TRPM3: variants seen among roughly 807,000 people sequenced by gnomAD.
TRPM3 encodes the protein long transient receptor potential channel 3.
Under a neutral mutation model 181.2 loss-of-function variants are expected in TRPM3, and 77 were observed. The ratio of observed to expected loss-of-function variants is 0.42; its 90% CI spans 0.35 to 0.51. TRPM3 has a LOEUF of 0.51. TRPM3 is among the 20% of genes least tolerant of loss of function. The pLI, the probability that TRPM3 is intolerant of heterozygous loss-of-function variation, is 0.01. For synonymous variants in TRPM3, 745 were observed against 796.4 expected (o/e 0.94, Z 1.09); for missense variants, 1,759 against 2,196.7 (o/e 0.80, Z 3.98).
At chr9:71,124,056 T>C (rs2073886542), upstream of TRPM3, among the ~76,000 whole-genome samples, 1 of 151,938 alleles carries the variant, frequency 6.6e-6, no homozygotes, top group Non-Finnish European at 1.5e-5. Context: ...CTAATGGCAA[T>C]TAGAGGAGAA....
At chr9:70,780,950 T>G (rs2082312616) in intron 7 of TRPM3, among the ~76,000 whole-genome samples, 1 of 152,130 alleles carries the variant, frequency 6.6e-6, no homozygotes, top group Non-Finnish European at 1.5e-5. Context: ...TCACAGTTGG[T>G]GTAGATCCCA....
At chr9:70,692,629 C>T (rs981001350) in intron 8 of TRPM3, among the ~76,000 whole-genome samples, 17 of 152,146 alleles carry the variant, frequency 1.1e-4, no homozygotes, top group Non-Finnish European at 1.8e-4. Flanking sequence ...AGGAGCCATG[C>T]GCAGAATCAG....
intron 1 of TRPM3, among the ~76,000 whole-genome samples, chr9:71,273,453 A>G (rs2083957317): frequency 6.6e-6 from 1 of 152,222 alleles, no homozygotes; most frequent in South Asian, 2.1e-4. Flanking sequence ...ACCTCTTGGC[A>G]TAAGACCATA....
At chr9:71,049,136 T>A (rs925192144) in intron 1 of TRPM3, among the ~76,000 whole-genome samples, 1 of 152,156 alleles carries the variant, frequency 6.6e-6, no homozygotes, top group African/African-American at 2.4e-5. Flanking sequence ...TACTCTATCA[T>A]CTTAGGTACA....
At position 71,159,981 on chromosome 9, in the gene TRPM3, A is replaced by G. The variant is rs546935426; in HGVS notation, c.183+286672T>C. 2.6e-5 allele frequency among the ~76,000 whole-genome samples: 4 copies of G among 152,242 alleles called. No homozygotes were observed. The East Asian group carries it at 5.8e-4, about 22-fold the overall frequency. On this transcript the variant is annotated intron_variant, in intron 1 of 24. Coordinates refer to the TRPM3 transcript ENST00000357533. ...CAAGAAAGTCCTTAAACCTTCTATC[A>G]GACCCTATAGGACTCACCTCCCTAT... is the stretch of plus-strand genomic sequence containing the variant.
In TRPM3 at chr9:70,846,484, C is replaced by T. The variant is rs1297408205; in HGVS notation, c.570G>A (p.Leu190=). ...PKLLISVHGG[L]QNFELQPKLK... is the part of the protein sequence containing the mutation. The stretch of plus-strand genomic sequence containing the variant: ...GTTTTGGCTGGAGTTCAAAGTTCTG[C>T]AGGCCCCCATGGACAGAGATGAGAA... Residue 190 remains leucine (L), a synonymous_variant, in exon 4 of 26, where the codon CTG becomes CTA. Transcript: ENST00000677713. 6.2e-7 allele frequency: 1 copy of T among 1,614,130 alleles called. No homozygotes were observed. The highest frequency in any genetic ancestry group is 2.2e-5 in the East Asian group (1 of 44,882).
chr9:71,259,356 C>T lies in TRPM3; in HGVS notation c.183+187297G>A, dbSNP rs571922232. On this transcript the variant is annotated intron_variant, in intron 1 of 24. Coordinates refer to the TRPM3 transcript ENST00000357533. The stretch of plus-strand genomic sequence containing the variant: ...TATGAATAGTGCTTCAATAAACATA[C>T]ATGTACATGTGTCTTTATAGAATAA... Among the ~76,000 whole-genome samples, 5 of 152,250 alleles carry T rather than the reference C, an allele frequency of 3.3e-5. No homozygotes were observed. The East Asian group carries it at 7.7e-4, about 24-fold the overall frequency.
At chr9:70,978,646 C>T (rs1470756335) in intron 1 of TRPM3, among the ~76,000 whole-genome samples, 2 of 152,150 alleles carry the variant, frequency 1.3e-5, no homozygotes, top group Non-Finnish European at 2.9e-5. Context: ...CTGTTGTTCC[C>T]GTCATGGGGT....
chr9:71,201,359 TG>T (rs2078780377), intron 1 of TRPM3, among the ~76,000 whole-genome samples: 1 of 152,156 alleles, frequency 6.6e-6, no homozygotes, highest in Admixed American at 6.5e-5. Flanking sequence ...GTCTTGGAGT[TG>T]TTCTTCTCGA....
intron 1 of TRPM3, among the ~76,000 whole-genome samples, chr9:71,050,706 C>G (rs1298411016): frequency 6.6e-6 from 1 of 152,190 alleles, no homozygotes; most frequent in Non-Finnish European, 1.5e-5. Context: ...CTGGTGCACA[C>G]CCATTTTTCA....
intron 1 of TRPM3, among the ~76,000 whole-genome samples, chr9:71,086,744 A>C (rs1322160620): frequency 6.6e-6 from 1 of 152,010 alleles, no homozygotes; most frequent in Non-Finnish European, 1.5e-5. Flanking sequence ...CTAATCTGCC[A>C]CTTCACTACT....
Position 71,121,460 on chromosome 9 carries a change from A to T in TRPM3, c.-106T>A. On this transcript the variant is annotated 5_prime_UTR_variant, in exon 1 of 26. Transcript: ENST00000677713. ...CTGAGCCCCTGAACCTTCTTAAAAC[A>T]GCCACCTCCCCTCTCTCTGCAGCCG... 1 of 1,462,048 alleles carries T rather than the reference A, an allele frequency of 6.8e-7. No homozygotes were observed. The highest frequency in any genetic ancestry group is 2.6e-5 in the Admixed American group (1 of 38,520). 90.6% of individuals were successfully genotyped at this position (1,462,048 alleles called of 1,614,324 possible).
intron 20 of TRPM3, among the ~76,000 whole-genome samples, chr9:70,600,279 C>A (rs1367833968): frequency 6.6e-6 from 1 of 151,954 alleles, no homozygotes; most frequent in Non-Finnish European, 1.5e-5. Context: ...CCATGACCAA[C>A]CCCTTTCCCC....
chr9:71,369,064 C>T lies in TRPM3; in HGVS notation c.183+77589G>A, dbSNP rs550788629. 3.3e-5 allele frequency among the ~76,000 whole-genome samples: 5 copies of T among 152,016 alleles called. No individual in the cohort carries two copies. The South Asian group carries it at 8.3e-4, about 25-fold the overall frequency. ...ATATACATATATTGCAAAAGAATAA[C>T]TGAGATCAATAATCTTACTAGCTAT... is the stretch of plus-strand genomic sequence containing the variant. On this transcript the variant is annotated intron_variant, in intron 1 of 24. Transcript: ENST00000357533.
chr9:71,219,739 G>T (rs1162010402), intron 1 of TRPM3, among the ~76,000 whole-genome samples: 1 of 152,128 alleles, frequency 6.6e-6, no homozygotes, highest in Non-Finnish European at 1.5e-5. Flanking sequence ...GGCCAATCAG[G>T]GTGAACCTGG....
At chr9:71,257,323 T>G (rs2082734389) in intron 1 of TRPM3, among the ~76,000 whole-genome samples, 1 of 151,628 alleles carries the variant, frequency 6.6e-6, no homozygotes, top group African/African-American at 2.4e-5. Flanking sequence ...GTTGGTAGAG[T>G]GTAAAGAAGA....
intron 6 of TRPM3, chr9:70,824,425 TTTTTA>T (rs1288086060): frequency 2.0e-5 from 3 of 151,998 alleles, no homozygotes; most frequent in African/African-American, 7.2e-5. Flanking sequence ...CCTTTTAATT[TTTTTA>T]TTTTATTTTT....
intron 1 of TRPM3, among the ~76,000 whole-genome samples, chr9:70,912,671 T>C (rs927070020): frequency 4.6e-5 from 7 of 152,162 alleles, no homozygotes; most frequent in African/African-American, 1.7e-4. Context: ...CCTTAACAAG[T>C]GCTTGAGAAA....
chr9:71,310,886 A>T (rs1175757684), intron 1 of TRPM3, among the ~76,000 whole-genome samples: 2 of 152,104 alleles, frequency 1.3e-5, no homozygotes, highest in African/African-American at 4.8e-5. Context: ...TCTTTTTACT[A>T]TGGAGAGAAA....
Sources: allele counts gnomAD v4.1 joint callset (sites outside exome capture counted in the v4.1 genomes callset), GRCh38; gene constraint gnomAD v4.1.1; transcripts MANE v1.5; gene names NCBI Gene and HGNC (gene_info 2026-07-23, HGNC 2026-07-21).